BEND6: variants seen among roughly 807,000 people sequenced by gnomAD.
The protein encoded by BEND6 is BEN domain containing 6.
Under a neutral mutation model 31.8 loss-of-function variants are expected in BEND6, and 24 were observed. That is an observed-to-expected ratio of 0.75 (90% CI 0.55 to 1.06). The LOEUF (loss-of-function observed/expected upper bound fraction) is 1.06. Among genes scored for constraint, BEND6 ranks in the 50% least tolerant of loss-of-function variants. The probability of loss-of-function intolerance (pLI) is 0.00; values close to 1 mark genes in which losing one functional copy is unlikely to be tolerated. For missense variants in BEND6, 294 were observed against 327.4 expected (o/e 0.90, Z 0.79); for synonymous variants, 109 against 114.6 (o/e 0.95, Z 0.31).
chr6:57,014,379 T>C (rs1422912092), intron 3 of BEND6: 3 of 742,914 alleles, frequency 4.0e-6, no homozygotes, highest in Non-Finnish European at 6.0e-6. Flanking sequence ...CAGCAGGCTG[T>C]GCCCTCAACC....
chr6:57,006,745 A>C (rs976271424), intron 3 of BEND6, among the ~76,000 whole-genome samples: 1 of 152,200 alleles, frequency 6.6e-6, no homozygotes, highest in Non-Finnish European at 1.5e-5. Flanking sequence ...CATTTTTTAT[A>C]ATTTGTATGG....
intron 1 of BEND6, among the ~76,000 whole-genome samples, chr6:56,973,508 ATAAC>A (rs1342571441): frequency 8.5e-5 from 13 of 152,250 alleles, no homozygotes; most frequent in Non-Finnish European, 1.8e-4. Context: ...ATTAATAACA[ATAAC>A]TAATAGTAAT....
At position 56,979,874 on chromosome 6, in the gene BEND6, T is replaced by C. The variant is rs116393545; in HGVS notation, c.-100-1837T>C. On this transcript the variant is annotated intron_variant, in intron 1 of 6. Coordinates refer to ENST00000370746, the MANE Select transcript of BEND6 (RefSeq NM_152731.3). ...ATTTACTAGGAGGACAGTTTGTATC[T>C]ATGGAATGCTGTTAACAGTATATCC... Among the ~76,000 whole-genome samples the C allele has an allele frequency of 3.5e-3, 534 of 152,364 alleles. 5 individuals carry two copies. Among genetic ancestry groups the C allele is most frequent in the African/African-American group, 0.012 (493 of 41,592 alleles).
At chr6:57,018,898 G>A (rs772471458) in intron 6 of BEND6, among the ~76,000 whole-genome samples, 5 of 152,116 alleles carry the variant, frequency 3.3e-5, no homozygotes, top group Non-Finnish European at 5.9e-5. Context: ...TAACTTGGTG[G>A]GGATAGAAAG....
rs143377904 is a variant in BEND6 at position 56,974,218 on chromosome 6, A to G, written c.-100-7493A>G. 5.6e-3 allele frequency among the ~76,000 whole-genome samples: 859 copies of G among 152,288 alleles called. 12 individuals carry two copies. The highest frequency in any genetic ancestry group is 5.4e-3 in the Non-Finnish European group (364 of 68,028). Reference sequence around the variant, plus strand: ...GTGCGGTAATGTAAGTCAATGGAGAAAAAGGAATTAAAGCAGATGGCCTGC... The same window carrying G: ...GTGCGGTAATGTAAGTCAATGGAGAGAAAGGAATTAAAGCAGATGGCCTGC... On this transcript the variant is annotated intron_variant, in intron 1 of 6. Coordinates refer to ENST00000370746, the MANE Select transcript of BEND6 (RefSeq NM_152731.3).
intron 3 of BEND6, among the ~76,000 whole-genome samples, chr6:57,007,847 G>T (rs1230439270): frequency 6.6e-6 from 1 of 152,008 alleles, no homozygotes; most frequent in Non-Finnish European, 1.5e-5. Flanking sequence ...AACCAAGCTG[G>T]GTCCAGCTGT....
intron 2 of BEND6, among the ~76,000 whole-genome samples, chr6:56,985,595 A>G (rs1826235460): frequency 6.6e-6 from 1 of 152,156 alleles, no homozygotes; most frequent in Non-Finnish European, 1.5e-5. Flanking sequence ...CTCATATCCT[A>G]TTGGAGGGAA....
chr6:56,972,745 G>A (rs566656761), intron 1 of BEND6, among the ~76,000 whole-genome samples: 2 of 152,304 alleles, frequency 1.3e-5, no homozygotes, highest in Admixed American at 6.5e-5. Context: ...AGCTCAGGCC[G>A]CCATAACAAA....
At chr6:56,988,292 A>G (rs1352467385) in intron 2 of BEND6, among the ~76,000 whole-genome samples, 1 of 152,030 alleles carries the variant, frequency 6.6e-6, no homozygotes, top group Non-Finnish European at 1.5e-5. Context: ...CTGAGATTAC[A>G]GGCGTGAGCC....
chr6:56,988,798 G>A (rs1826383527), intron 2 of BEND6, among the ~76,000 whole-genome samples: 1 of 152,166 alleles, frequency 6.6e-6, no homozygotes. Flanking sequence ...GGAGTCCGAG[G>A]TGGGCAGATG....
At chr6:56,988,577 A>T (rs978569400) in intron 2 of BEND6, among the ~76,000 whole-genome samples, 3 of 152,194 alleles carry the variant, frequency 2.0e-5, no homozygotes, top group African/African-American at 7.2e-5. Context: ...TTTTTTACTT[A>T]AAAAATACAA....
chr6:56,997,460 C>T (rs1270097885), intron 3 of BEND6, among the ~76,000 whole-genome samples: 1 of 152,270 alleles, frequency 6.6e-6, no homozygotes, highest in East Asian at 1.9e-4. Context: ...ACCCTAGAAA[C>T]GAAGTAGTAA....
At chr6:56,989,794 T>G (rs1826422669) in intron 2 of BEND6, among the ~76,000 whole-genome samples, 1 of 152,232 alleles carries the variant, frequency 6.6e-6, no homozygotes, top group Non-Finnish European at 1.5e-5. Context: ...ATTGCTGGCT[T>G]CTTTTTCCTT....
chr6:57,023,204 A>G (rs1026260937), intron 6 of BEND6, among the ~76,000 whole-genome samples: 2 of 152,168 alleles, frequency 1.3e-5, no homozygotes, highest in Admixed American at 6.5e-5. Context: ...GGATCTGTCC[A>G]TTATTGAGAG....
At chr6:56,958,970 T>C in intron 1 of BEND6, among the ~76,000 whole-genome samples, 1 of 152,158 alleles carries the variant, frequency 6.6e-6, no homozygotes, top group Non-Finnish European at 1.5e-5. Flanking sequence ...GAAATTTAAC[T>C]CTAAAGGGGA....
At chr6:56,995,470 A>G (rs1021005278) in intron 3 of BEND6, among the ~76,000 whole-genome samples, 1 of 152,138 alleles carries the variant, frequency 6.6e-6, no homozygotes, top group Non-Finnish European at 1.5e-5. Flanking sequence ...AGTACCACAA[A>G]CTAGGTGGCT....
chr6:57,008,106 A>T, intron 3 of BEND6: 1 of 691,482 alleles, frequency 1.4e-6, no homozygotes, highest in East Asian at 2.7e-5. Flanking sequence ...AAGTCTGATT[A>T]AAAGGGCCCC....
intron 1 of BEND6, among the ~76,000 whole-genome samples, chr6:56,975,328 T>TA (rs61238475): frequency 4.5e-4 from 68 of 152,172 alleles, no homozygotes; most frequent in African/African-American, 1.5e-3. Flanking sequence ...ATATTTTCTT[T>TA]AAAAAAATGA....
intron 5 of BEND6, 151 bp from the exon 6 acceptor site, chr6:57,018,270 A>G (rs1019906103): frequency 2.9e-6 from 2 of 689,444 alleles, no homozygotes; most frequent in East Asian, 3.5e-5. Flanking sequence ...CTATATATTC[A>G]TCTGTTTAAA....
Sources: allele counts gnomAD v4.1 joint callset (sites outside exome capture counted in the v4.1 genomes callset), GRCh38; gene constraint gnomAD v4.1.1; transcripts MANE v1.5; gene names NCBI Gene and HGNC (gene_info 2026-07-23, HGNC 2026-07-21).